The following PACS1 variants were observed in gnomAD, a reference collection of about 807,000 sequenced individuals.
The protein encoded by PACS1 is PACS-1.
A neutral mutation model predicts 115.0 loss-of-function variants in PACS1; 24 were observed. That is an observed-to-expected ratio of 0.21 (90% CI 0.15 to 0.29). The LOEUF is 0.29. PACS1 is among the 10% of genes least tolerant of loss of function. The pLI is 1.00. For missense variants in PACS1, 838 were observed against 1,251.2 expected (o/e 0.67, Z 4.98); for synonymous variants, 453 against 504.5 (o/e 0.90, Z 1.37).
intron 10 of PACS1, among the ~76,000 whole-genome samples, chr11:66,222,255 C>T (rs771325576): frequency 2.0e-5 from 3 of 152,170 alleles, no homozygotes; most frequent in East Asian, 1.9e-4. Context: ...GCCACTGAGA[C>T]GTGCTCAGGA....
chr11:66,230,596 G>T lies in PACS1; in HGVS notation c.1423G>T (p.Val475Leu), dbSNP rs778277597. The change falls in exon 12 of 24, where the codon GTG (valine) becomes TTG (leucine). Residue 475 changes from valine to leucine, a missense_variant. Coordinates refer to ENST00000320580, the MANE Select transcript of PACS1 (RefSeq NM_018026.4). ...TGGAGATGCCAGCACGAGTCTGGTT[G>T]TGCCGGAGAAAGTCAAAACTCCCAT... is the stretch of plus-strand genomic sequence containing the variant. Reference protein sequence around the residue: ...MFGDASTSLVVPEKVKTPMKS... With the variant: ...MFGDASTSLVLPEKVKTPMKS... The T allele has an allele frequency of 3.7e-6, 6 of 1,614,052 alleles. No homozygotes were observed. The highest frequency in any genetic ancestry group is 4.2e-6 in the Non-Finnish European group (5 of 1,180,018).
intron 19 of PACS1, among the ~76,000 whole-genome samples, chr11:66,237,632 A>G (rs1267592846): frequency 6.6e-6 from 1 of 152,194 alleles, no homozygotes; most frequent in Non-Finnish European, 1.5e-5. Flanking sequence ...CCCCAAGACC[A>G]TGGCCCATAG....
chr11:66,091,934 G>T (rs1050240148), intron 1 of PACS1, among the ~76,000 whole-genome samples: 1 of 152,030 alleles, frequency 6.6e-6, no homozygotes. Context: ...TTGGACATTT[G>T]GGTTGGTTCC....
At chr11:66,121,851 A>T (rs1858450801) in intron 1 of PACS1, among the ~76,000 whole-genome samples, 1 of 152,192 alleles carries the variant, frequency 6.6e-6, no homozygotes, top group Non-Finnish European at 1.5e-5. Context: ...AGCAACATAA[A>T]AATGCAGGGT....
At chr11:66,148,346 G>T (rs34725821) in intron 1 of PACS1, among the ~76,000 whole-genome samples, 5,533 of 152,020 alleles carry the variant, frequency 0.036, 326 homozygotes, top group African/African-American at 0.13. Flanking sequence ...ATAGAGATGG[G>T]TGTCTCGTGA....
intron 1 of PACS1, among the ~76,000 whole-genome samples, chr11:66,088,407 G>A (rs1210168056): frequency 1.3e-5 from 2 of 152,098 alleles, no homozygotes; most frequent in African/African-American, 4.8e-5. Flanking sequence ...TAGAGTTCCA[G>A]TCCATCTGAA....
chr11:66,199,942 C>T (rs566602912), intron 2 of PACS1, among the ~76,000 whole-genome samples: 49 of 151,972 alleles, frequency 3.2e-4, no homozygotes, highest in African/African-American at 1.1e-3. Context: ...TCGCTGGAAT[C>T]TGGGAGGTGG....
chr11:66,158,242 TAC>T (rs1235676382), intron 1 of PACS1, among the ~76,000 whole-genome samples: 1 of 152,252 alleles, frequency 6.6e-6, no homozygotes, highest in Non-Finnish European at 1.5e-5. Flanking sequence ...GTGCTGGGAC[TAC>T]ACGTGTGAGC....
chr11:66,202,739 AAAAAT>A (rs1394258528), intron 2 of PACS1, among the ~76,000 whole-genome samples: 1 of 73,056 alleles, frequency 1.4e-5, no homozygotes, highest in Non-Finnish European at 2.7e-5. Flanking sequence ...AAAAAAAAAA[AAAAAT>A]ATATATATAT....
chr11:66,230,627 C>T lies in PACS1; in HGVS notation c.1454C>T (p.Ser485Phe). 6.2e-7 allele frequency: 1 copy of T among 1,614,030 alleles called. No individual in the cohort carries two copies. The highest frequency in any genetic ancestry group is 8.5e-7 in the Non-Finnish European group (1 of 1,179,904). The change falls in exon 12 of 24, where the codon TCC becomes TTC. Residue 485 changes from serine (S) to phenylalanine (F), a missense_variant. Physicochemically the swap from Ser to Phe is radical, Grantham distance 155 (BLOSUM62 -2). This residue lies in a region of PACS1 where 383 missense variants were observed against 537.0 expected (regional missense o/e 0.71). Coordinates refer to ENST00000320580, the MANE Select transcript of PACS1 (RefSeq NM_018026.4). ...VPEKVKTPMK[S>F]SKTDLQGSAS... The stretch of plus-strand genomic sequence containing the variant: ...GAGAAAGTCAAAACTCCCATGAAGT[C>T]CAGTAAAACGGATCTCCAGGGCTCT...
intron 1 of PACS1, among the ~76,000 whole-genome samples, chr11:66,109,568 T>C (rs561997165): frequency 5.9e-5 from 9 of 152,294 alleles, no homozygotes; most frequent in African/African-American, 2.2e-4. Context: ...ACCTAAGCCC[T>C]TTTTCTTCAT....
chr11:66,136,056 G>A (rs1050935240), intron 1 of PACS1, among the ~76,000 whole-genome samples: 1 of 152,156 alleles, frequency 6.6e-6, no homozygotes, highest in African/African-American at 2.4e-5. Context: ...TTGAGCTACT[G>A]ATTTGTCTGT....
chr11:66,223,681 T>C lies in PACS1; in HGVS notation c.1293+2434T>C, dbSNP rs537749446. On this transcript the variant is annotated intron_variant, in intron 10 of 23. Transcript: ENST00000320580. Reference sequence around the variant, plus strand: ...GCTGAGGGAGGACTCTTTCTTAGTGTTCTAGGAATGTAGAGCAAGTGCCCT... The same window carrying C: ...GCTGAGGGAGGACTCTTTCTTAGTGCTCTAGGAATGTAGAGCAAGTGCCCT... Among the ~76,000 whole-genome samples, 7 of 152,234 alleles carry C rather than the reference T, an allele frequency of 4.6e-5. No individual in the cohort carries two copies. In the South Asian group the frequency reaches 1.5e-3, roughly 32 times the overall value.
intron 2 of PACS1, among the ~76,000 whole-genome samples, chr11:66,208,149 C>T (rs1291825874): frequency 1.3e-5 from 2 of 152,144 alleles, no homozygotes; most frequent in African/African-American, 4.8e-5. Context: ...CATCAGGGCT[C>T]CACTTCCTTG....
chr11:66,084,613 T>C (rs2134504274), intron 1 of PACS1, among the ~76,000 whole-genome samples: 1 of 152,262 alleles, frequency 6.6e-6, no homozygotes, highest in South Asian at 2.1e-4. Context: ...GGTGGGAGTC[T>C]GGGCATATTG....
At chr11:66,182,387 C>A (rs901562016) in intron 1 of PACS1, among the ~76,000 whole-genome samples, 2 of 152,048 alleles carry the variant, frequency 1.3e-5, no homozygotes, top group African/African-American at 2.4e-5. Context: ...TTTTCTCATT[C>A]GCTGATATTC....
Position 66,070,754 on chromosome 11 carries a change from C to A in PACS1, c.268C>A (p.Pro90Thr). ...VASGSAPPGGPGPGRTPAPVQ... is the reference protein window; with the variant it reads ...VASGSAPPGGTGPGRTPAPVQ... ...CTCGGGCTCCGCGCCTCCCGGTGGC[C>A]CGGGGCCAGGCCGCACCCCCGCCCC... Residue 90 changes from proline (P) to threonine (T), a missense_variant, in exon 1 of 24, where the codon CCG (proline) becomes ACG (threonine). Physicochemically the swap from Pro to Thr is conservative, Grantham distance 38. This residue lies in a region of PACS1 where 129 missense variants were observed against 109.4 expected (regional missense o/e 1.18). Coordinates refer to ENST00000320580, the MANE Select transcript of PACS1 (RefSeq NM_018026.4). The surrounding 1 kb of genome is among the most constrained non-coding windows in gnomAD (Gnocchi z 5.9). 1 of 1,554,048 alleles carries A rather than the reference C, an allele frequency of 6.4e-7. No individual in the cohort carries two copies.
Position 66,234,199 on chromosome 11 carries a change from T to C in PACS1, c.2061T>C (p.Ser687=), listed in dbSNP as rs572697. ...AATACAGTAGTTCCTTCCTGGATTC[T>C]GGTTGGAGAGATCTGTTCAGTCGCT... ...DSKYSSSFLD[S]GWRDLFSRSE... is the part of the protein sequence containing the mutation. Residue 687 remains serine (S), a synonymous_variant, in exon 17 of 24, where the codon TCT becomes TCC. Coordinates refer to ENST00000320580, the MANE Select transcript of PACS1 (RefSeq NM_018026.4). The C allele has an allele frequency of 6.2e-7, 1 of 1,614,158 alleles. No homozygotes were observed. The highest frequency in any genetic ancestry group is 2.2e-5 in the East Asian group (1 of 44,872).
At chr11:66,185,028 G>A (rs974452937) in intron 1 of PACS1, among the ~76,000 whole-genome samples, 1 of 152,060 alleles carries the variant, frequency 6.6e-6, no homozygotes, top group Admixed American at 6.6e-5. Flanking sequence ...AGGAACTCTC[G>A]GCCTAATTAT....
Sources: gnomAD v4.1 joint callset for allele counts (sites outside exome capture counted in the v4.1 genomes callset) on GRCh38, gnomAD v4.1.1 for gene constraint, gnomAD v4.1.1 regional missense constraint, Gnocchi (gnomAD v3.1) non-coding constraint, MANE v1.5 for transcripts, NCBI Gene and HGNC (gene_info 2026-07-23, HGNC 2026-07-21) for gene names.